RBFOX1: variants seen among roughly 807,000 people sequenced by gnomAD.
RBFOX1 encodes the protein RNA binding protein fox-1 homolog 1.
In RBFOX1, 8 loss-of-function variants were observed where a neutral mutation model predicts 57.7. The observed-to-expected ratio is 0.14, with a 90% CI of 0.08 to 0.25. The LOEUF (loss-of-function observed/expected upper bound fraction) is 0.25. Ranked by LOEUF, RBFOX1 falls within the 10% of genes least tolerant of loss-of-function variation. The pLI is 1.00. For synonymous variants in RBFOX1, 326 were observed against 222.4 expected (o/e 1.47, Z -4.15); for missense variants, 611 against 548.5 (o/e 1.11, Z -1.14).
rs1266279377 is a variant in RBFOX1 at position 7,023,094 on chromosome 16, A to G, written c.-15-28963A>G. ...CTATGCAAAAAGCCCAGCCAGTGCA[A>G]AGGCACTGAGGTAGGAGAGAGCTGA... On this transcript the variant is annotated intron_variant, in intron 3 of 15. Transcript: ENST00000550418. Among the ~76,000 whole-genome samples the G allele has an allele frequency of 2.6e-5, 4 of 152,170 alleles. No homozygotes were observed. In the South Asian group the frequency reaches 6.2e-4, roughly 24 times the overall value.
chr16:7,492,159 C>T (rs2067162573), intron 4 of RBFOX1, among the ~76,000 whole-genome samples: 1 of 152,216 alleles, frequency 6.6e-6, no homozygotes. Flanking sequence ...TGTCTGCCTT[C>T]TGCATTTGGA....
intron 4 of RBFOX1, among the ~76,000 whole-genome samples, chr16:7,428,761 T>C (rs1000004805): frequency 3.9e-5 from 6 of 152,034 alleles, no homozygotes; most frequent in Non-Finnish European, 8.8e-5. Flanking sequence ...TGGATTTTTC[T>C]TTCTTTCTCT....
At chr16:6,799,827 G>T (rs1008407688) in intron 3 of RBFOX1, among the ~76,000 whole-genome samples, 3 of 152,104 alleles carry the variant, frequency 2.0e-5, no homozygotes, top group African/African-American at 4.8e-5. Flanking sequence ...TTTAGCCACA[G>T]ACTGAAGGCT....
intron 2 of RBFOX1, among the ~76,000 whole-genome samples, chr16:6,604,781 C>T (rs1210488483): frequency 2.6e-5 from 4 of 152,040 alleles, no homozygotes; most frequent in African/African-American, 4.8e-5. Flanking sequence ...ATAATTCTTT[C>T]TTTCTTACCA....
intron 2 of RBFOX1, among the ~76,000 whole-genome samples, chr16:6,458,810 AAC>A (rs1360701739): frequency 6.6e-6 from 1 of 152,214 alleles, no homozygotes; most frequent in Non-Finnish European, 1.5e-5. Flanking sequence ...TTCTAGGACA[AAC>A]ACATCATATC....
chr16:5,850,542 A>G (rs1436814824), intron 3 of RBFOX1, among the ~76,000 whole-genome samples: 1 of 152,208 alleles, frequency 6.6e-6, no homozygotes, highest in Non-Finnish European at 1.5e-5. Flanking sequence ...CAGCAGAATT[A>G]ATGATAACAG....
At chr16:7,453,208 G>C (rs564275113) in intron 4 of RBFOX1, among the ~76,000 whole-genome samples, 4 of 152,110 alleles carry the variant, frequency 2.6e-5, no homozygotes, top group Non-Finnish European at 4.4e-5. Flanking sequence ...GAAGGAACAG[G>C]TGCTAGACTT....
At chr16:6,680,294 T>TTTTTTTTTTTG (rs60731674) in intron 3 of RBFOX1, among the ~76,000 whole-genome samples, 50 of 103,048 alleles carry the variant, frequency 4.9e-4, no homozygotes, top group South Asian at 1.4e-3. Context: ...TTTTTTTTTT[T>TTTTTTTTTTTG]ATTTGTCGCC....
chr16:7,187,278 T>A (rs2084090535), intron 4 of RBFOX1, among the ~76,000 whole-genome samples: 1 of 151,630 alleles, frequency 6.6e-6, no homozygotes, highest in Non-Finnish European at 1.5e-5. Flanking sequence ...ATATAAATAA[T>A]TAAAGTAATT....
At chr16:6,820,361 G>C (rs1011979625) in intron 3 of RBFOX1, among the ~76,000 whole-genome samples, 5 of 152,108 alleles carry the variant, frequency 3.3e-5, no homozygotes, top group African/African-American at 4.8e-5. Context: ...AGATAGGATT[G>C]TTCAGGTAAC....
chr16:6,632,766 A>G (rs2098400567), intron 2 of RBFOX1, among the ~76,000 whole-genome samples: 1 of 152,232 alleles, frequency 6.6e-6, no homozygotes, highest in African/African-American at 2.4e-5. Flanking sequence ...TATGACCTCA[A>G]AGAGTGACTT....
intron 11 of RBFOX1, among the ~76,000 whole-genome samples, chr16:7,642,053 T>G (rs1342815739): frequency 2.6e-5 from 4 of 152,126 alleles, no homozygotes; most frequent in African/African-American, 9.7e-5. Flanking sequence ...AGTTTGAGAT[T>G]GCAGTGATCC....
At chr16:7,656,883 G>A (rs983292286) in intron 12 of RBFOX1, among the ~76,000 whole-genome samples, 3 of 152,144 alleles carry the variant, frequency 2.0e-5, no homozygotes, top group African/African-American at 2.4e-5. Flanking sequence ...CAGAAGAGAA[G>A]AAATATGGGG....
At chr16:6,879,718 A>C (rs950854856) in intron 3 of RBFOX1, among the ~76,000 whole-genome samples, 4 of 152,180 alleles carry the variant, frequency 2.6e-5, no homozygotes, top group Admixed American at 6.5e-5. Context: ...TTTCTGTGGA[A>C]GTAAATTCTA....
In RBFOX1 at chr16:6,681,109, G is replaced by T. The variant is rs564221329; in HGVS notation, c.-16+26459G>T. Among the ~76,000 whole-genome samples, 3 of 152,204 alleles carry T rather than the reference G, an allele frequency of 2.0e-5. No homozygotes were observed. The South Asian group carries it at 6.2e-4, about 32-fold the overall frequency. ...GTGGATCATTTGAGGTCAGGAGTTC[G>T]AGACCATCCTGGGAAACATGGTGAG... On this transcript the variant is annotated intron_variant, in intron 3 of 15. Coordinates refer to ENST00000550418, the MANE Select transcript of RBFOX1 (RefSeq NM_018723.4).
chr16:7,087,053 G>C (rs2060102739), intron 4 of RBFOX1, among the ~76,000 whole-genome samples: 1 of 152,178 alleles, frequency 6.6e-6, no homozygotes, highest in South Asian at 2.1e-4. Context: ...TCGGTAGATG[G>C]CTGTAGACAA....
intron 3 of RBFOX1, among the ~76,000 whole-genome samples, chr16:5,815,020 G>A (rs925658296): frequency 2.7e-5 from 4 of 150,856 alleles, no homozygotes; most frequent in African/African-American, 9.8e-5. Context: ...GTCTCACTCT[G>A]TTACCCAGGC....
At chr16:6,078,028 T>C (rs7202220) in intron 1 of RBFOX1, among the ~76,000 whole-genome samples, 5,211 of 152,240 alleles carry the variant, frequency 0.034, 261 homozygotes, top group African/African-American at 0.096. Context: ...ACTGAACATT[T>C]TGTTGGTAAC....
chr16:7,596,015 C>G (rs2094670558), intron 8 of RBFOX1, among the ~76,000 whole-genome samples: 1 of 150,980 alleles, frequency 6.6e-6, no homozygotes, highest in South Asian at 2.1e-4. Flanking sequence ...TTTCTTTCCA[C>G]TTCAGGGTTG....
Sources: allele counts gnomAD v4.1 joint callset (sites outside exome capture counted in the v4.1 genomes callset), GRCh38; gene constraint gnomAD v4.1.1; transcripts MANE v1.5; gene names NCBI Gene and HGNC (gene_info 2026-07-23, HGNC 2026-07-21).